THSD7B: variants seen among roughly 807,000 people sequenced by gnomAD.
THSD7B encodes the protein thrombospondin type-1 domain-containing protein 7B.
In THSD7B, 138 loss-of-function variants were observed where a neutral mutation model predicts 213.6. That is an observed-to-expected ratio of 0.65 (90% confidence interval 0.56 to 0.74). THSD7B has a LOEUF of 0.74. Ranked by LOEUF, THSD7B falls within the 30% of genes least tolerant of loss-of-function variation. The pLI, the probability that THSD7B is intolerant of heterozygous loss-of-function variation, is 0.00. For synonymous variants in THSD7B, 742 were observed against 687.0 expected (o/e 1.08, Z -1.25); for missense variants, 1,931 against 1,991.5 (o/e 0.97, Z 0.58).
intron 10 of THSD7B, among the ~76,000 whole-genome samples, chr2:137,272,280 G>A (rs1235525046): frequency 1.3e-5 from 2 of 152,050 alleles, no homozygotes; most frequent in Admixed American, 1.3e-4. Flanking sequence ...TGGTAAGGTA[G>A]ATTCTAATTA....
At chr2:137,496,034 C>T (rs894555548) in intron 15 of THSD7B, among the ~76,000 whole-genome samples, 6 of 151,454 alleles carry the variant, frequency 4.0e-5, no homozygotes, top group African/African-American at 1.5e-4. Flanking sequence ...ATCTGTTTTA[C>T]TGAGTTTTTA....
intron 2 of THSD7B, among the ~76,000 whole-genome samples, chr2:136,920,675 C>T (rs1012750922): frequency 2.2e-4 from 33 of 152,172 alleles, no homozygotes; most frequent in African/African-American, 7.2e-4. Flanking sequence ...GTAAGCTACC[C>T]CTTCCCACCT....
chr2:137,276,016 A>G lies in THSD7B; in HGVS notation c.2490A>G (p.Leu830=), dbSNP rs773947784. 63 of 1,611,074 alleles carry G rather than the reference A, an allele frequency of 3.9e-5. No individual in the cohort carries two copies. The highest frequency in any genetic ancestry group is 5.3e-5 in the Non-Finnish European group (62 of 1,178,354). ...GCAGTGAAGCCTGTGGAAAGGGGTT[A>G]CAAACAAGAGGTATGATGATTTTTA... ...TGSSEACGKG[L]QTRAVSCISD... Residue 830 remains leucine (L), a synonymous_variant, in exon 12 of 28, where the codon TTA becomes TTG. Coordinates refer to ENST00000409968, the MANE Select transcript of THSD7B (RefSeq NM_001316349.2).
At chr2:136,947,989 C>T (rs1684972890) in intron 2 of THSD7B, among the ~76,000 whole-genome samples, 3 of 152,174 alleles carry the variant, frequency 2.0e-5, no homozygotes, top group Admixed American at 2.0e-4. Flanking sequence ...TTTACTCACG[C>T]CTGATGAACC....
chr2:136,798,889 T>C (rs894056179), intron 1 of THSD7B, among the ~76,000 whole-genome samples: 5 of 152,072 alleles, frequency 3.3e-5, no homozygotes, highest in Non-Finnish European at 7.4e-5. Context: ...GCTTTCTTTT[T>C]GGTTTTGTAG....
chr2:137,364,686 A>G (rs920993947), intron 12 of THSD7B, among the ~76,000 whole-genome samples: 7 of 152,186 alleles, frequency 4.6e-5, no homozygotes, highest in African/African-American at 1.4e-4. Flanking sequence ...CTTACAAGGG[A>G]GGTGAAAGAC....
intron 20 of THSD7B, among the ~76,000 whole-genome samples, chr2:137,622,645 A>G (rs1476752155): frequency 1.3e-5 from 2 of 152,152 alleles, no homozygotes; most frequent in African/African-American, 4.8e-5. Flanking sequence ...GATAACAGGG[A>G]TATCACCACC....
chr2:136,782,075 G>A (rs1199078957), intron 1 of THSD7B, among the ~76,000 whole-genome samples: 1 of 152,200 alleles, frequency 6.6e-6, no homozygotes, highest in African/African-American at 2.4e-5. Flanking sequence ...TTTTGCATGT[G>A]TAAAGTGGTT....
At chr2:136,779,226 G>T (rs1681679169) in intron 1 of THSD7B, among the ~76,000 whole-genome samples, 1 of 151,432 alleles carries the variant, frequency 6.6e-6, no homozygotes, top group South Asian at 2.1e-4. Context: ...GTGTGTGTGT[G>T]TGTGTGTGTG....
chr2:136,840,549 T>A (rs1682905973), intron 1 of THSD7B, among the ~76,000 whole-genome samples: 1 of 152,118 alleles, frequency 6.6e-6, no homozygotes. Flanking sequence ...GTGTGTTATC[T>A]AAAATCACCT....
In THSD7B at chr2:137,104,654, C is replaced by T. The variant is rs146696047; in HGVS notation, c.1199+9533C>T. ...TTGAAAAGATTAACAAAATGATAGA[C>T]GGCTAGCCAGACTAATAAAGAATAA... On this transcript the variant is annotated intron_variant, in intron 4 of 27. Transcript: ENST00000409968. Among the ~76,000 whole-genome samples, 336 of 152,000 alleles carry T rather than the reference C, an allele frequency of 2.2e-3. 6 individuals carry two copies. In the East Asian group the frequency reaches 0.055, roughly 25 times the overall value.
Position 137,069,631 on chromosome 2 carries a change from T to C in THSD7B, c.950+12401T>C, listed in dbSNP as rs191955581. ...TGAAGGATAATAAATTTTAAGACGATTTTTTAAAAAGCCATCATCTCTAAA... is the reference window on the plus strand; with the variant it reads ...TGAAGGATAATAAATTTTAAGACGACTTTTTAAAAAGCCATCATCTCTAAA... On this transcript the variant is annotated intron_variant, in intron 3 of 27. Coordinates refer to ENST00000409968, the MANE Select transcript of THSD7B (RefSeq NM_001316349.2). 1.2e-3 allele frequency among the ~76,000 whole-genome samples: 187 copies of C among 152,102 alleles called. 1 individual carries two copies. The highest frequency in any genetic ancestry group is 4.4e-3 in the African/African-American group (181 of 41,550).
intron 12 of THSD7B, among the ~76,000 whole-genome samples, chr2:137,356,835 G>A (rs1685139205): frequency 6.6e-6 from 1 of 152,054 alleles, no homozygotes; most frequent in Non-Finnish European, 1.5e-5. Flanking sequence ...CTTACTTTAA[G>A]CCTTTGTTTT....
chr2:136,980,223 C>T (rs1165161402), intron 2 of THSD7B, among the ~76,000 whole-genome samples: 3 of 152,180 alleles, frequency 2.0e-5, no homozygotes, highest in African/African-American at 7.2e-5. Flanking sequence ...TGGGAGGTCT[C>T]ACCCAGTCAG....
At chr2:137,534,426 A>AT (rs1307484129) in intron 15 of THSD7B, among the ~76,000 whole-genome samples, 1 of 151,580 alleles carries the variant, frequency 6.6e-6, no homozygotes, top group Non-Finnish European at 1.5e-5. Flanking sequence ...GTGAATATAT[A>AT]TATTTTTTTC....
At chr2:137,620,065 A>T (rs965901057) in intron 19 of THSD7B, among the ~76,000 whole-genome samples, 8 of 152,200 alleles carry the variant, frequency 5.3e-5, no homozygotes, top group Non-Finnish European at 2.9e-5. Context: ...GTTTGCCAAG[A>T]TGCTGGTTTC....
At chr2:137,524,981 A>G (rs183448272) in intron 15 of THSD7B, among the ~76,000 whole-genome samples, 21 of 152,310 alleles carry the variant, frequency 1.4e-4, no homozygotes. Flanking sequence ...GGAGACAATA[A>G]GGAGAGGCCG....
intron 2 of THSD7B, among the ~76,000 whole-genome samples, chr2:137,030,469 T>A (rs944178118): frequency 2.6e-5 from 4 of 152,014 alleles, no homozygotes; most frequent in Non-Finnish European, 5.9e-5. Flanking sequence ...TTTCAGAAGC[T>A]GTGAGATCTT....
chr2:137,667,954 A>T (rs1295797585), intron 27 of THSD7B, 93 bp downstream of exon 27: 2 of 1,026,314 alleles, frequency 1.9e-6, no homozygotes, highest in East Asian at 2.8e-5. Context: ...TGCCCATTAT[A>T]ACAGGATTCT....
Sources: gnomAD v4.1 joint callset for allele counts (sites outside exome capture counted in the v4.1 genomes callset) on GRCh38, gnomAD v4.1.1 for gene constraint, MANE v1.5 for transcripts, NCBI Gene and HGNC (gene_info 2026-07-23, HGNC 2026-07-21) for gene names.